PPP4R1: variants seen among roughly 807,000 people sequenced by gnomAD.
PPP4R1 encodes the protein serine/threonine-protein phosphatase 4 regulatory subunit 1.
A neutral mutation model predicts 111.2 loss-of-function variants in PPP4R1; 42 were observed. The ratio of observed to expected loss-of-function variants is 0.38; its 90% confidence interval spans 0.29 to 0.49. PPP4R1 has a LOEUF of 0.49. PPP4R1 is among the 20% of genes least tolerant of loss of function. The pLI is 0.97. For missense variants in PPP4R1, 1,012 were observed against 1,161.6 expected, an observed-to-expected ratio of 0.87 and a Z score of 1.87; for synonymous variants, 409 against 405.5, an observed-to-expected ratio of 1.01 and a Z score of -0.10.
At position 9,593,715 on chromosome 18, in the gene PPP4R1, T is replaced by C. The variant is rs1337716356; in HGVS notation, c.295+53A>G. 5 of 1,483,144 alleles carry C rather than the reference T, an allele frequency of 3.4e-6. No individual in the cohort carries two copies. In the African/African-American group the frequency reaches 7.0e-5, roughly 21 times the overall value. 91.9% of individuals were successfully genotyped at this position (1,483,144 alleles called of 1,614,324 possible). On this transcript the variant is annotated intron_variant, in intron 4 of 19. Coordinates refer to ENST00000400556, the MANE Select transcript of PPP4R1 (RefSeq NM_001042388.3). ...TTCATTAGTTTTTAGAAACACAAAT[T>C]TGATCAAAGAAGCCTTTCTAGAATA...
intron 9 of PPP4R1, among the ~76,000 whole-genome samples, chr18:9,581,908 G>A (rs1275510727): frequency 6.6e-6 from 1 of 152,114 alleles, no homozygotes; most frequent in Non-Finnish European, 1.5e-5. Flanking sequence ...GAAGAGGTCT[G>A]AGGCAGTGGC....
chr18:9,598,109 AG>A (rs2067319482), intron 2 of PPP4R1, among the ~76,000 whole-genome samples: 1 of 152,174 alleles, frequency 6.6e-6, no homozygotes, highest in African/African-American at 2.4e-5. Context: ...TTGAAGAAAA[AG>A]GGTAAGAAAA....
At chr18:9,609,380 C>T (rs1422025511) in intron 2 of PPP4R1, among the ~76,000 whole-genome samples, 1 of 143,624 alleles carries the variant, frequency 7.0e-6, no homozygotes, top group East Asian at 2.0e-4. Context: ...CTCCTCACCT[C>T]CCACCGGAAG....
At chr18:9,594,886 T>C in intron 3 of PPP4R1, 132 bp downstream of exon 3, 1 of 1,084,726 alleles carries the variant, frequency 9.2e-7, no homozygotes, top group Non-Finnish European at 1.3e-6. Context: ...GCTGTGATTA[T>C]GAATAAAACT....
chr18:9,604,459 T>C (rs1395254808), intron 2 of PPP4R1, among the ~76,000 whole-genome samples: 2 of 152,148 alleles, frequency 1.3e-5, no homozygotes, highest in African/African-American at 4.8e-5. Flanking sequence ...GTGTCCAGGA[T>C]CTGGCCCCAA....
Position 9,548,755 on chromosome 18 carries a change from A to G in PPP4R1, c.2689+442T>C, listed in dbSNP as rs1035749163. ...AACATGGTGAAACCCCATCTCTACTAAAAATACAAAAAATTAGCTGGGCGT... is the reference window on the plus strand; with the variant it reads ...AACATGGTGAAACCCCATCTCTACTGAAAATACAAAAAATTAGCTGGGCGT... On this transcript the variant is annotated intron_variant, in intron 19 of 19. Coordinates refer to ENST00000400556, the MANE Select transcript of PPP4R1 (RefSeq NM_001042388.3). 2.6e-5 allele frequency among the ~76,000 whole-genome samples: 4 copies of G among 152,118 alleles called. No individual in the cohort carries two copies. In the East Asian group the frequency reaches 7.7e-4, roughly 29 times the overall value.
chr18:9,594,827 G>A, intron 3 of PPP4R1, 191 bp downstream of exon 3: 1 of 541,016 alleles, frequency 1.8e-6, no homozygotes, highest in South Asian at 4.6e-5. Context: ...AAGAAAGCAT[G>A]TTGTATGCTT....
intron 10 of PPP4R1, 108 bp downstream of exon 10, chr18:9,576,956 C>A: frequency 9.1e-7 from 1 of 1,094,860 alleles, no homozygotes; most frequent in African/African-American, 1.6e-5. Flanking sequence ...AGAGAAATAG[C>A]AAACTATCAA....
chr18:9,580,719 C>T (rs1313868403), intron 9 of PPP4R1, among the ~76,000 whole-genome samples: 2 of 152,176 alleles, frequency 1.3e-5, no homozygotes, highest in East Asian at 3.9e-4. Context: ...GCCAAGCACA[C>T]TGGGGTCTGC....
At chr18:9,572,559 A>G (rs1231818071) in intron 10 of PPP4R1, among the ~76,000 whole-genome samples, 1 of 152,216 alleles carries the variant, frequency 6.6e-6, no homozygotes, top group Non-Finnish European at 1.5e-5. Context: ...TGTAAGATGA[A>G]TACAGGAAAA....
chr18:9,561,218 CTAATAATAATAATAATAATAA>C (rs111924050), intron 13 of PPP4R1, among the ~76,000 whole-genome samples: 3 of 139,098 alleles, frequency 2.2e-5, no homozygotes, highest in Non-Finnish European at 4.6e-5. Context: ...GACTCCATCT[CTAATAATAATAATAATAATAA>C]TAATAATAAT....
At chr18:9,608,398 T>C (rs997506959) in intron 2 of PPP4R1, among the ~76,000 whole-genome samples, 6 of 152,342 alleles carry the variant, frequency 3.9e-5, no homozygotes, top group East Asian at 1.9e-4. Flanking sequence ...GACTGCATGA[T>C]AGATGCTCAA....
chr18:9,567,063 T>C (rs1313837774), intron 11 of PPP4R1, among the ~76,000 whole-genome samples: 1 of 152,208 alleles, frequency 6.6e-6, no homozygotes, highest in Non-Finnish European at 1.5e-5. Flanking sequence ...ATAGCTGCCA[T>C]AAATAGTGAT....
chr18:9,600,024 A>T (rs1366346229), intron 2 of PPP4R1, among the ~76,000 whole-genome samples: 1 of 152,176 alleles, frequency 6.6e-6, no homozygotes, highest in Non-Finnish European at 1.5e-5. Flanking sequence ...ACTAATTTAA[A>T]TGCAGACTGT....
intron 14 of PPP4R1, among the ~76,000 whole-genome samples, chr18:9,558,906 G>GT (rs1368991163): frequency 3.3e-5 from 5 of 152,062 alleles, no homozygotes; most frequent in Non-Finnish European, 7.4e-5. Context: ...GTTGAAAGGG[G>GT]TTGGGGGTGG....
chr18:9,563,633 G>A (rs1430917036), intron 11 of PPP4R1, 83 bp from the exon 12 acceptor site: 15 of 1,231,462 alleles, frequency 1.2e-5, no homozygotes, highest in Admixed American at 2.8e-5. Context: ...TGCACTGTAC[G>A]TTATCAATGA....
chr18:9,570,019 G>T (rs939726382), intron 11 of PPP4R1, 138 bp downstream of exon 11: 4 of 885,648 alleles, frequency 4.5e-6, no homozygotes, highest in Admixed American at 3.6e-5. Flanking sequence ...CAAAGTGCTG[G>T]TATTATAGGT....
At position 9,612,558 on chromosome 18, in the gene PPP4R1, A is replaced by G. The variant is rs545384966; in HGVS notation, c.52+1668T>C. The G allele has an allele frequency of 4.6e-5, 7 of 152,334 alleles. No homozygotes were observed. The South Asian group carries it at 1.0e-3, about 23-fold the overall frequency. The allele number at this position is 152,334 out of a possible 1,614,324, so 9.4% of individuals were successfully genotyped here. A position where few individuals can be genotyped will look rare whatever the true frequency, so the allele number is the denominator to read the frequency against. On this transcript the variant is annotated intron_variant, in intron 2 of 19. Coordinates refer to ENST00000400556, the MANE Select transcript of PPP4R1 (RefSeq NM_001042388.3). ...AAGGAAGAAACTGAGACTGCATTTCATCCTTCAGGAGTGAGAAGTTTTTGC... is the reference window on the plus strand; with the variant it reads ...AAGGAAGAAACTGAGACTGCATTTCGTCCTTCAGGAGTGAGAAGTTTTTGC...
At chr18:9,548,538 G>T (rs1006206519) in intron 19 of PPP4R1, among the ~76,000 whole-genome samples, 2 of 152,104 alleles carry the variant, frequency 1.3e-5, no homozygotes, top group African/African-American at 4.8e-5. Context: ...GCAAACATAG[G>T]TAGGTACCAG....
Sources: allele counts gnomAD v4.1 joint callset (sites outside exome capture counted in the v4.1 genomes callset), GRCh38; gene constraint gnomAD v4.1.1; transcripts MANE v1.5; gene names NCBI Gene and HGNC (gene_info 2026-07-23, HGNC 2026-07-21).